Variants in APC observed in about 807,000 individuals in gnomAD.
The protein encoded by APC is adenomatous polyposis coli protein.
APC carries 72 observed loss-of-function variants against 247.0 expected under a neutral mutation model. The ratio of observed to expected loss-of-function variants is 0.29; its 90% CI spans 0.24 to 0.35. The LOEUF (loss-of-function observed/expected upper bound fraction) is 0.35, where lower values mean the gene tolerates loss of function less well. APC is among the 10% of genes least tolerant of loss of function. The pLI, the probability that APC is intolerant of heterozygous loss-of-function variation, is 1.00. For synonymous variants in APC, 1,254 were observed against 1,162.5 expected (o/e 1.08, Z -1.60); for missense variants, 3,400 against 3,360.7 (o/e 1.01, Z -0.29).
chr5:112,842,989 T>TGG lies in APC; in HGVS notation c.7395_7396insGG (p.Ser2466GlyfsTer20). On this transcript the variant is annotated frameshift_variant, in exon 16 of 16. Coordinates refer to ENST00000257430, the MANE Select transcript of APC (RefSeq NM_000038.6). LOFTEE classifies it high-confidence loss of function. ...AGGAATCTGCTTCATTTGAATCTCT[T>TGG]TCTCCATCATCTAGACCAGCTTCTC... 1 of 1,614,084 alleles carries TGG rather than the reference T, an allele frequency of 6.2e-7. No individual in the cohort carries two copies. Among genetic ancestry groups the TGG allele is most frequent in the Non-Finnish European group, 8.5e-7 (1 of 1,179,952 alleles).
chr5:112,749,585 T>TC (rs1246513711), intron 1 of APC, among the ~76,000 whole-genome samples: 3 of 151,082 alleles, frequency 2.0e-5, no homozygotes, highest in African/African-American at 4.9e-5. Flanking sequence ...CCTCCCGTGT[T>TC]CAAGCGATTC....
At position 112,775,603 on chromosome 5, in the gene APC, AC is replaced by A. The variant is rs1218979044; in HGVS notation, c.423-24del. 2.1e-6 allele frequency: 3 copies of A among 1,396,032 alleles called. No homozygotes were observed. The African/African-American group carries it at 4.3e-5, about 20-fold the overall frequency. The allele number at this position is 1,396,032 out of a possible 1,614,324, so 86.5% of individuals were successfully genotyped here. On this transcript the variant is annotated intron_variant, in intron 4 of 15. Transcript: ENST00000257430. ...GTCTTTATTAGCATTGTTTAAACGT[AC>A]CTTTTTTTAAAAAAAAAAAAATAGG...
At chr5:112,721,434 AAAT>A (rs1251462388) in intron 1 of APC, among the ~76,000 whole-genome samples, 1 of 152,112 alleles carries the variant, frequency 6.6e-6, no homozygotes, top group Non-Finnish European at 1.5e-5. Flanking sequence ...TAAAATAAAA[AAAT>A]AAAGACTGAA....
rs561394771 is a variant in APC at position 112,842,692 on chromosome 5, T to C, written c.7098T>C (p.Tyr2366=). The change falls in exon 16 of 16, where the codon TAT becomes TAC. Residue 2366 remains tyrosine (Y), a synonymous_variant. Coordinates refer to ENST00000257430, the MANE Select transcript of APC (RefSeq NM_000038.6). ...TKSSGSGKMS[Y]TSPGRQMSQQ... Reference sequence around the variant, plus strand: ...CCTCAGGTTCTGGAAAAATGTCATATACATCTCCAGGTAGACAGATGAGCC... The same window carrying C: ...CCTCAGGTTCTGGAAAAATGTCATACACATCTCCAGGTAGACAGATGAGCC... 1.3e-5 allele frequency: 21 copies of C among 1,613,162 alleles called. No homozygotes were observed. Among genetic ancestry groups the C allele is most frequent in the Admixed American group, 5.0e-5 (3 of 59,992 alleles).
In APC at chr5:112,720,253, C is replaced by T. The variant is rs187895468; in HGVS notation, c.165+12371C>T. 2.1e-3 allele frequency among the ~76,000 whole-genome samples: 323 copies of T among 152,300 alleles called. 4 individuals carry two copies. Among genetic ancestry groups the T allele is most frequent in the African/African-American group, 7.5e-3 (311 of 41,548 alleles). ...ATGTGTCTATAAAGAACAAAACCAG[C>T]TCTGTTGTATGAAAACCTAGAATTC... On this transcript the variant is annotated intron_variant, in intron 1 of 13. Coordinates refer to the APC transcript ENST00000507379.
chr5:112,801,310 C>G lies in APC; in HGVS notation c.761C>G (p.Ser254Ter), dbSNP rs1060503334. ...RSSQNKHETG[S>*]HDAERQNEGQ... ...TCTCAGAACAAGCATGAAACCGGCTCACATGATGCTGAGCGGCAGAATGAA... is the reference window on the plus strand; with the variant it reads ...TCTCAGAACAAGCATGAAACCGGCTGACATGATGCTGAGCGGCAGAATGAA... Residue 254 changes from serine (S) to a stop codon, truncating the protein, a stop_gained, in exon 8 of 16, where the codon TCA (serine) becomes TGA (stop). Coordinates refer to ENST00000257430, the MANE Select transcript of APC (RefSeq NM_000038.6). LOFTEE classifies it high-confidence loss of function. 1 of 1,613,056 alleles carries G rather than the reference C, an allele frequency of 6.2e-7. No individual in the cohort carries two copies. Among genetic ancestry groups the G allele is most frequent in the Non-Finnish European group, 8.5e-7 (1 of 1,179,268 alleles).
intron 13 of APC, among the ~76,000 whole-genome samples, chr5:112,828,544 C>G (rs1409813126): frequency 6.6e-6 from 1 of 151,850 alleles, no homozygotes; most frequent in East Asian, 1.9e-4. Context: ...CCTCAAGCTC[C>G]TGGGATCCTC....
At chr5:112,804,528 T>G (rs1189369927) in intron 8 of APC, among the ~76,000 whole-genome samples, 1 of 152,096 alleles carries the variant, frequency 6.6e-6, no homozygotes, top group Non-Finnish European at 1.5e-5. Context: ...TACAGGTGTG[T>G]GCCACCACAC....
chr5:112,799,095 G>C (rs1203139918), intron 7 of APC, among the ~76,000 whole-genome samples: 3 of 146,762 alleles, frequency 2.0e-5, no homozygotes, highest in South Asian at 4.3e-4. Context: ...TGTAATCCCA[G>C]CTACTTGGGA....
chr5:112,731,100 A>G (rs549667639), intron 1 of APC, among the ~76,000 whole-genome samples: 3 of 151,834 alleles, frequency 2.0e-5, no homozygotes, highest in Non-Finnish European at 4.4e-5. Flanking sequence ...CGTAATTTTA[A>G]TCATCTTATA....
chr5:112,723,830 C>A lies in APC; in HGVS notation c.165+15948C>A, dbSNP rs191576413. Among the ~76,000 whole-genome samples the A allele has an allele frequency of 5.2e-3, 785 of 152,218 alleles. 4 individuals are homozygous for A. The highest frequency in any genetic ancestry group is 0.01 in the Middle Eastern group (3 of 294). On this transcript the variant is annotated intron_variant, in intron 1 of 13. Coordinates refer to the APC transcript ENST00000507379. ...TCTAGTATAAGAGTTTTCTTCCTTACCTTACCATTACTGCCCCCACTGCTA... is the reference window on the plus strand; with the variant it reads ...TCTAGTATAAGAGTTTTCTTCCTTAACTTACCATTACTGCCCCCACTGCTA...
intron 5 of APC, chr5:112,778,069 C>G (rs1757868589): frequency 4.8e-6 from 1 of 209,390 alleles, no homozygotes; most frequent in Non-Finnish European, 1.0e-5. Context: ...TTCCTATTCA[C>G]TACACGTCAG....
intron 12 of APC, among the ~76,000 whole-genome samples, 174 bp from the exon 13 acceptor site, chr5:112,827,755 A>C (rs1331305368): frequency 6.6e-6 from 1 of 152,242 alleles, no homozygotes; most frequent in African/African-American, 2.4e-5. Context: ...GCAAAGAATT[A>C]GGAGAATATT....
At chr5:112,725,141 A>C (rs1751700831) in intron 1 of APC, among the ~76,000 whole-genome samples, 1 of 151,808 alleles carries the variant, frequency 6.6e-6, no homozygotes, top group African/African-American at 2.4e-5. Context: ...CACCCAGCTA[A>C]TTTGTATTTT....
chr5:112,842,088 C>T lies in APC; in HGVS notation c.6494C>T (p.Pro2165Leu), dbSNP rs1766228192. The T allele has an allele frequency of 2.5e-6, 4 of 1,610,516 alleles. No homozygotes were observed. Among genetic ancestry groups the T allele is most frequent in the African/African-American group, 2.7e-5 (2 of 74,714 alleles). The change falls in exon 16 of 16, where the codon CCA (proline) becomes CTA (leucine). Residue 2165 changes from proline to leucine, a missense_variant. By Grantham distance (98) the Pro-to-Leu change is moderately conservative. Around this residue, in one of 9 missense-constraint regions of APC, gnomAD observed 1,788 missense variants for 1,649.5 expected, o/e 1.08. Coordinates refer to ENST00000257430, the MANE Select transcript of APC (RefSeq NM_000038.6). ...AAACCCTTTACAAGTAATAAAGGCCCACGAATTCTAAAACCAGGGGAGAAA... is the reference window on the plus strand; with the variant it reads ...AAACCCTTTACAAGTAATAAAGGCCTACGAATTCTAAAACCAGGGGAGAAA... ...EEKPFTSNKG[P>L]RILKPGEKST...
chr5:112,734,332 G>A (rs1462677172), upstream of APC, among the ~76,000 whole-genome samples: 3 of 152,074 alleles, frequency 2.0e-5, no homozygotes, highest in Non-Finnish European at 4.4e-5. Context: ...CCTCGTTCTC[G>A]TATCCCATGA....
At chr5:112,769,038 C>CT (rs1030758934) in intron 4 of APC, among the ~76,000 whole-genome samples, 2 of 127,694 alleles carry the variant, frequency 1.6e-5, no homozygotes, top group East Asian at 4.9e-4. Flanking sequence ...GTAAATTTTT[C>CT]TTTTTTTTCT....
rs150437120 is a variant in APC at position 112,741,620 on chromosome 5, A to C, written c.-19+3695A>C. Among the ~76,000 whole-genome samples the C allele has an allele frequency of 1.3e-4, 20 of 152,272 alleles. No homozygotes were observed. The East Asian group carries it at 3.9e-3, about 29-fold the overall frequency. ...TTTTTAAAAAAATTTTATTGTGATA[A>C]ATATACATAAAATTTACCATCTTAA... On this transcript the variant is annotated intron_variant, in intron 1 of 15. Transcript: ENST00000257430.
intron 1 of APC, among the ~76,000 whole-genome samples, chr5:112,713,226 A>T (rs991858743): frequency 2.6e-5 from 4 of 151,402 alleles, no homozygotes; most frequent in Non-Finnish European, 4.4e-5. Context: ...GGAGTATTCC[A>T]TGGTTAGTTT....
Sources: gnomAD v4.1 joint callset for allele counts (sites outside exome capture counted in the v4.1 genomes callset) on GRCh38, gnomAD v4.1.1 for gene constraint, gnomAD v4.1.1 regional missense constraint, MANE v1.5 for transcripts, NCBI Gene and HGNC (gene_info 2026-07-23, HGNC 2026-07-21) for gene names.